Variants in TCF25 observed in about 807,000 individuals in gnomAD.
TCF25 encodes TCF25 ribosome quality control complex subunit.
In TCF25, 41 loss-of-function variants were observed where a neutral mutation model predicts 83.1. The observed-to-expected ratio is 0.49, with a 90% CI of 0.38 to 0.64. TCF25 has a LOEUF of 0.64. Among genes scored for constraint, TCF25 ranks in the 30% least tolerant of loss-of-function variants. The pLI is 0.00. For synonymous variants in TCF25, 458 were observed against 365.0 expected (o/e 1.25, Z -2.90); for missense variants, 979 against 914.5 (o/e 1.07, Z -0.91).
Position 89,907,308 on chromosome 16 carries a change from C to T in TCF25, c.1785C>T (p.Tyr595=), listed in dbSNP as rs374169206. 8.7e-6 allele frequency: 14 copies of T among 1,612,626 alleles called. No individual in the cohort carries two copies. The highest frequency in any genetic ancestry group is 6.7e-5 in the Admixed American group (4 of 59,956). The change falls in exon 16 of 18, where the codon TAC becomes TAT. Residue 595 remains tyrosine (Y), a synonymous_variant. Coordinates refer to ENST00000263346, the MANE Select transcript of TCF25 (RefSeq NM_014972.3). ...PLPPSDTIYS[Y]VRPERLSPIS... Reference sequence around the variant, plus strand: ...CTCCTTCGGACACAATCTACTCCTACGTCAGGCCAGAGAGGTACCTCCCTC... The same window carrying T: ...CTCCTTCGGACACAATCTACTCCTATGTCAGGCCAGAGAGGTACCTCCCTC...
intron 4 of TCF25, 116 bp downstream of exon 4, chr16:89,886,082 A>G (rs2042994236): frequency 1.5e-6 from 1 of 660,200 alleles, no homozygotes; most frequent in African/African-American, 2.3e-5. Flanking sequence ...GTGGGAGGAA[A>G]AGGTTCTCTA....
chr16:89,877,370 A>AT (rs897761859), intron 1 of TCF25, among the ~76,000 whole-genome samples: 6 of 152,050 alleles, frequency 3.9e-5, no homozygotes, highest in African/African-American at 1.4e-4. Flanking sequence ...CACCTGGCTA[A>AT]TTTTTTCAAT....
intron 7 of TCF25, among the ~76,000 whole-genome samples, chr16:89,894,226 C>T (rs2043650852): frequency 6.6e-6 from 1 of 151,956 alleles, no homozygotes; most frequent in South Asian, 2.1e-4. Context: ...CCGTGCAGCC[C>T]CCGGACGGCC....
chr16:89,889,196 T>A (rs2043240893), intron 5 of TCF25: 4 of 397,876 alleles, frequency 1.0e-5, no homozygotes, highest in African/African-American at 2.1e-5. Flanking sequence ...GTCTTTTTTT[T>A]ATTTATTTAT....
Position 89,883,363 on chromosome 16 carries a change from G to C in TCF25, c.205G>C (p.Asp69His), listed in dbSNP as rs747829535. Residue 69 changes from aspartate (D) to histidine (H), a missense_variant, in exon 2 of 18, where the codon GAT becomes CAT. Coordinates refer to ENST00000263346, the MANE Select transcript of TCF25 (RefSeq NM_014972.3). ...NNRFELINID[D>H]LEDDPVVNGE... ...CCTGTTTTTCCAGATAAACATTGAC[G>C]ATCTTGAGGATGACCCTGTGGTGAA... 1 of 1,613,386 alleles carries C rather than the reference G, an allele frequency of 6.2e-7. No individual in the cohort carries two copies. Among genetic ancestry groups the C allele is most frequent in the Admixed American group, 1.7e-5 (1 of 59,962 alleles).
chr16:89,886,566 C>T (rs1393241410), intron 4 of TCF25, among the ~76,000 whole-genome samples: 1 of 152,020 alleles, frequency 6.6e-6, no homozygotes, highest in Non-Finnish European at 1.5e-5. Context: ...AGTTTGAGAC[C>T]AGCCTGACCA....
chr16:89,910,487 G>A (rs1009800853), intron 16 of TCF25, 104 bp from the exon 17 acceptor site: 12 of 1,213,528 alleles, frequency 9.9e-6, no homozygotes, highest in South Asian at 6.3e-5. Flanking sequence ...CGGCCCCTCC[G>A]TGTCCCTGCG....
chr16:89,892,358 G>A (rs545674878), intron 6 of TCF25, 83 bp downstream of exon 6: 9 of 1,501,200 alleles, frequency 6.0e-6, no homozygotes, highest in Non-Finnish European at 8.1e-6. Flanking sequence ...AACCAGGTGA[G>A]GGTCTGCAGA....
chr16:89,899,108 C>A (rs554144038), intron 11 of TCF25, among the ~76,000 whole-genome samples: 2,427 of 152,278 alleles, frequency 0.016, 23 homozygotes, highest in African/African-American at 0.033. Context: ...CGTGTGTACA[C>A]ATGCTCAAAC....
rs772368625 is a variant in TCF25 at position 89,873,650 on chromosome 16, T to C, written c.-18T>C. The C allele has an allele frequency of 2.4e-5, 38 of 1,553,952 alleles. No individual in the cohort carries two copies. The highest frequency in any genetic ancestry group is 1.8e-4 in the Middle Eastern group (1 of 5,508). ...GCTTCCTTCTCCCTCTCTCCAGACG[T>C]CGTGGTCGTTCGGTCCTATGTCGCG... is the stretch of plus-strand genomic sequence containing the variant. On this transcript the variant is annotated 5_prime_UTR_variant, in exon 1 of 18. Transcript: ENST00000263346.
intron 1 of TCF25, among the ~76,000 whole-genome samples, chr16:89,876,059 G>C (rs2042167246): frequency 6.6e-6 from 1 of 151,922 alleles, no homozygotes; most frequent in Non-Finnish European, 1.5e-5. Context: ...TTTGGAAAAA[G>C]TGTGGTTCAT....
chr16:89,910,691 C>T (rs535912113), intron 17 of TCF25, 28 bp downstream of exon 17: 4 of 1,610,160 alleles, frequency 2.5e-6, no homozygotes, highest in African/African-American at 1.3e-5. Flanking sequence ...CAGCCCCTGC[C>T]TCCCCAGTGG....
chr16:89,874,109 T>G (rs1477589433), intron 1 of TCF25, among the ~76,000 whole-genome samples: 1 of 69,354 alleles, frequency 1.4e-5, no homozygotes, highest in Admixed American at 1.8e-4. Flanking sequence ...TGGGCGGGGC[T>G]AAGGGATGGG....
intron 14 of TCF25, 36 bp from the exon 15 acceptor site, chr16:89,906,158 C>T (rs1329937310): frequency 2.5e-6 from 4 of 1,588,682 alleles, no homozygotes; most frequent in Non-Finnish European, 2.6e-6. Flanking sequence ...ATTTGCTGTG[C>T]TTTATCTGCT....
At chr16:89,882,205 G>C (rs1331335250) in intron 1 of TCF25, among the ~76,000 whole-genome samples, 1 of 152,168 alleles carries the variant, frequency 6.6e-6, no homozygotes, top group African/African-American at 2.4e-5. Context: ...TGTGTGTTCA[G>C]TGGTGGTTCA....
chr16:89,877,696 G>A (rs368576017), intron 1 of TCF25, among the ~76,000 whole-genome samples: 1 of 152,140 alleles, frequency 6.6e-6, no homozygotes, highest in African/African-American at 2.4e-5. Context: ...CGGTGAGACC[G>A]AAACTTGGTT....
intron 1 of TCF25, chr16:89,878,400 A>ACATGGTGAAAC: frequency 8.3e-7 from 1 of 1,209,316 alleles, no homozygotes; most frequent in Non-Finnish European, 1.0e-6. Context: ...AGCCTGGCCG[A>ACATGGTGAAAC]CATGGTGAAA....
At chr16:89,884,217 G>A (rs1001505069) in intron 2 of TCF25, among the ~76,000 whole-genome samples, 1 of 152,172 alleles carries the variant, frequency 6.6e-6, no homozygotes, top group Non-Finnish European at 1.5e-5. Flanking sequence ...AGGCGTAGGG[G>A]ACCACACATA....
chr16:89,885,727 C>T (rs1211863131), intron 3 of TCF25, 121 bp from the exon 4 acceptor site: 2 of 811,754 alleles, frequency 2.5e-6, no homozygotes, highest in Non-Finnish European at 4.1e-6. Flanking sequence ...TTGACTTATG[C>T]TGTCCTTTAG....
Sources: gnomAD v4.1 joint callset for allele counts (sites outside exome capture counted in the v4.1 genomes callset) on GRCh38, gnomAD v4.1.1 for gene constraint, MANE v1.5 for transcripts, NCBI Gene and HGNC (gene_info 2026-07-23, HGNC 2026-07-21) for gene names.